PHC2: variants seen among roughly 807,000 people sequenced by gnomAD.
PHC2 encodes the protein polyhomeotic-like protein 2.
A neutral mutation model predicts 87.4 loss-of-function variants in PHC2; 29 were observed. The ratio of observed to expected loss-of-function variants is 0.33; its 90% confidence interval spans 0.25 to 0.45. The LOEUF is 0.45. PHC2 is among the 20% of genes least tolerant of loss of function. The pLI, the probability that PHC2 is intolerant of heterozygous loss-of-function variation, is 1.00. For missense variants in PHC2, 857 were observed against 1,136.7 expected, an observed-to-expected ratio of 0.75 and a Z score of 3.54; for synonymous variants, 438 against 461.7, an observed-to-expected ratio of 0.95 and a Z score of 0.66.
Position 33,349,964 on chromosome 1 carries a change from A to T in PHC2, c.1558+4437T>A. 9.7e-5 allele frequency: 8 copies of T among 82,818 alleles called. No homozygotes were observed. The highest frequency in any genetic ancestry group is 2.0e-4 in the Non-Finnish European group (8 of 39,598). The allele number at this position is 82,818 out of a possible 1,614,324, so 5.1% of individuals were successfully genotyped here. A position where few individuals can be genotyped will look rare whatever the true frequency, so the allele number is the denominator to read the frequency against. ...GGCGGGGCGAGGGAGCGGGGCGGGG[A>T]GGGGCGGGGCCGCGGGAGGGGCGGG... On this transcript the variant is annotated intron_variant, in intron 9 of 14. Coordinates refer to ENST00000683057, the MANE Select transcript of PHC2 (RefSeq NM_001385109.1). This position sits in a 1 kb window ranked among gnomAD's most constrained non-coding sequence, Gnocchi z 4.2.
chr1:33,341,323 C>T (rs963044952), intron 9 of PHC2, among the ~76,000 whole-genome samples: 14 of 152,306 alleles, frequency 9.2e-5, no homozygotes, highest in African/African-American at 2.9e-4. Context: ...GGGAGGGCTG[C>T]GCTGATTAGC....
At position 33,330,061 on chromosome 1, in the gene PHC2, C is replaced by A; in HGVS notation, c.2148+10G>T. On this transcript the variant is annotated intron_variant, in intron 13 of 14. Transcript: ENST00000683057. ...TGGGGATGGAGCTTCAGGCTCTGCC[C>A]GCCTCTTACCTGCTTCTTGGTATCC... is the stretch of plus-strand genomic sequence containing the variant. 1.2e-6 allele frequency: 2 copies of A among 1,612,432 alleles called. No individual in the cohort carries two copies. The highest frequency in any genetic ancestry group is 1.7e-4 in the Middle Eastern group (1 of 5,998).
chr1:33,338,959 G>A (rs1646693689), intron 9 of PHC2, among the ~76,000 whole-genome samples: 1 of 152,208 alleles, frequency 6.6e-6, no homozygotes, highest in African/African-American at 2.4e-5. Context: ...GAACAGAGCA[G>A]CATGTTCCAC....
chr1:33,409,379 AG>A (rs1649893456), intron 1 of PHC2, among the ~76,000 whole-genome samples: 1 of 152,220 alleles, frequency 6.6e-6, no homozygotes, highest in Admixed American at 6.5e-5. Flanking sequence ...AGTTTAAGAA[AG>A]AGTGTGTAAC....
intron 1 of PHC2, among the ~76,000 whole-genome samples, chr1:33,408,337 A>G (rs1649845886): frequency 6.6e-6 from 1 of 152,214 alleles, no homozygotes; most frequent in Non-Finnish European, 1.5e-5. Flanking sequence ...TATTTGCACT[A>G]GTTTGCTTCA....
At chr1:33,411,077 T>C (rs1472866533) in intron 1 of PHC2, among the ~76,000 whole-genome samples, 3 of 152,208 alleles carry the variant, frequency 2.0e-5, no homozygotes, top group Non-Finnish European at 4.4e-5. Context: ...TCGATAATTA[T>C]ATGTCTTATT....
chr1:33,426,324 G>A (rs114293828), intron 1 of PHC2, among the ~76,000 whole-genome samples: 5 of 151,902 alleles, frequency 3.3e-5, no homozygotes, highest in African/African-American at 1.2e-4. Flanking sequence ...TGCTGGGGGG[G>A]GGTCCATGGT....
intron 7 of PHC2, among the ~76,000 whole-genome samples, chr1:33,356,267 A>G (rs55878666): frequency 0.011 from 988 of 92,780 alleles, 22 homozygotes; most frequent in Non-Finnish European, 0.016. Context: ...ATATATATAT[A>G]TATATATATG....
At position 33,324,780 on chromosome 1, in the gene PHC2, AT is replaced by A; in HGVS notation, c.*84del. ...GAGCCCCTGCCCTCCAACCGGCCCC[AT>A]TTCTGGGCCCCTCAGGAATGTCTGT... On this transcript the variant is annotated 3_prime_UTR_variant, in exon 15 of 15. Coordinates refer to ENST00000683057, the MANE Select transcript of PHC2 (RefSeq NM_001385109.1). The A allele has an allele frequency of 6.9e-7, 1 of 1,455,680 alleles. No homozygotes were observed. Among genetic ancestry groups the A allele is most frequent in the Non-Finnish European group, 9.2e-7 (1 of 1,088,152 alleles). The allele number at this position is 1,455,680 out of a possible 1,614,324, so 90.2% of individuals were successfully genotyped here.
chr1:33,328,922 C>T lies in PHC2; in HGVS notation c.2373G>A (p.Glu791=). The T allele has an allele frequency of 6.2e-7, 1 of 1,613,924 alleles. No homozygotes were observed. Among genetic ancestry groups the T allele is most frequent in the South Asian group, 1.1e-5 (1 of 91,088 alleles). Reference sequence around the variant, plus strand: ...CGTCTTCTACATTCCACTTGGTGGGCTCACTTGGCAGGAAGTGGTGTCCCA... The same window carrying T: ...CGTCTTCTACATTCCACTTGGTGGGTTCACTTGGCAGGAAGTGGTGTCCCA... The part of the protein sequence containing the change: ...VGMGHHFLPS[E]PTKWNVEDVY... The change falls in exon 14 of 15, where the codon GAG becomes GAA. Residue 791 remains glutamate (E), a synonymous_variant. Transcript: ENST00000683057.
intron 1 of PHC2, among the ~76,000 whole-genome samples, chr1:33,413,181 G>C (rs1385481445): frequency 6.6e-6 from 1 of 152,128 alleles, no homozygotes; most frequent in African/African-American, 2.4e-5. Context: ...TGGCCAGGCT[G>C]GTCTCGAACT....
chr1:33,421,979 G>C (rs559738262), intron 1 of PHC2, among the ~76,000 whole-genome samples: 5 of 152,208 alleles, frequency 3.3e-5, no homozygotes, highest in South Asian at 4.2e-4. Flanking sequence ...TCCTTAGCCT[G>C]GTAAACCAAG....
intron 3 of PHC2, among the ~76,000 whole-genome samples, chr1:33,371,471 A>G (rs1178796308): frequency 1.3e-5 from 2 of 150,704 alleles, no homozygotes; most frequent in Admixed American, 6.6e-5. Context: ...CCCAGCCACC[A>G]CCATCACACC....
At chr1:33,358,805 A>G (rs549591342) in intron 7 of PHC2, 17 of 152,188 alleles carry the variant, frequency 1.1e-4, no homozygotes, top group Non-Finnish European at 2.1e-4. Context: ...GCCTTTTCTC[A>G]TACTGTCTAG....
At position 33,348,553 on chromosome 1, in the gene PHC2, A is replaced by G. The variant is rs548347342; in HGVS notation, c.1558+5848T>C. ...ATGGAGATACTCAGGCTGATGGACAATGGGATGGAATAGTTTAAATTGGGG... is the reference window on the plus strand; with the variant it reads ...ATGGAGATACTCAGGCTGATGGACAGTGGGATGGAATAGTTTAAATTGGGG... On this transcript the variant is annotated intron_variant, in intron 9 of 14. Transcript: ENST00000683057. Among the ~76,000 whole-genome samples, 58 of 152,328 alleles carry G rather than the reference A, an allele frequency of 3.8e-4. No individual in the cohort carries two copies. In the South Asian group the frequency reaches 0.012, roughly 31 times the overall value.
At chr1:33,418,895 C>CT (rs772109894) in intron 1 of PHC2, among the ~76,000 whole-genome samples, 26 of 152,210 alleles carry the variant, frequency 1.7e-4, no homozygotes, top group Non-Finnish European at 2.9e-4. Flanking sequence ...ACTTTAGACA[C>CT]TGTCACTTTG....
intron 7 of PHC2, among the ~76,000 whole-genome samples, chr1:33,362,781 A>G (rs1019412944): frequency 6.6e-6 from 1 of 152,160 alleles, no homozygotes; most frequent in African/African-American, 2.4e-5. Flanking sequence ...TCAAAGCACA[A>G]CTCAAATGTC....
chr1:33,350,237 C>T (rs1224933874), intron 9 of PHC2: 1 of 152,254 alleles, frequency 6.6e-6, no homozygotes, highest in African/African-American at 2.4e-5. Flanking sequence ...GAGCTCAGTT[C>T]GTGCCAAACC....
In PHC2 at chr1:33,335,901, G is replaced by T. The variant is rs552444138; in HGVS notation, c.1559-1609C>A. ...GGCGACAGAGCAAGACTCTATCTTG[G>T]GGGGGGAGGGGGGGAAAGAAAAGAT... On this transcript the variant is annotated intron_variant, in intron 9 of 14. Coordinates refer to ENST00000683057, the MANE Select transcript of PHC2 (RefSeq NM_001385109.1). 9.0e-5 allele frequency among the ~76,000 whole-genome samples: 13 copies of T among 144,428 alleles called. 1 individual carries two copies. The highest frequency in any genetic ancestry group is 1.5e-4 in the African/African-American group (6 of 41,092). The allele number at this position is 144,428 out of a possible 152,430, so 94.8% of individuals were successfully genotyped here. A position where few individuals can be genotyped will look rare whatever the true frequency, so the allele number is the denominator to read the frequency against.
Sources: allele counts gnomAD v4.1 joint callset (sites outside exome capture counted in the v4.1 genomes callset), GRCh38; gene constraint gnomAD v4.1.1; non-coding constraint Gnocchi (gnomAD v3.1); transcripts MANE v1.5; gene names NCBI Gene and HGNC (gene_info 2026-07-23, HGNC 2026-07-21).